Variants in CDH4 observed in about 807,000 individuals in gnomAD.
CDH4 encodes cadherin-4.
Under a neutral mutation model 86.0 loss-of-function variants are expected in CDH4, and 33 were observed. The ratio of observed to expected loss-of-function variants is 0.38; its 90% CI spans 0.29 to 0.51. The LOEUF (loss-of-function observed/expected upper bound fraction) is 0.51. Ranked by LOEUF, CDH4 falls within the 20% of genes least tolerant of loss-of-function variation. CDH4 has a pLI of 0.86. For synonymous variants in CDH4, 555 were observed against 549.4 expected, an observed-to-expected ratio of 1.01 and a Z score of -0.14; for missense variants, 1,114 against 1,307.4, an observed-to-expected ratio of 0.85 and a Z score of 2.28.
intron 9 of CDH4, among the ~76,000 whole-genome samples, chr20:61,921,037 C>T (rs1004761070): frequency 1.5e-5 from 2 of 131,510 alleles, no homozygotes; most frequent in South Asian, 5.1e-4. Flanking sequence ...TGCATGGAAG[C>T]GTGTCATGGT....
intron 3 of CDH4, among the ~76,000 whole-genome samples, chr20:61,765,573 A>AGAG (rs149908568): frequency 1.4e-4 from 22 of 152,132 alleles, no homozygotes; most frequent in East Asian, 3.9e-4. Flanking sequence ...AGAGCAGGGA[A>AGAG]GAGGAGGAGG....
At chr20:61,751,208 C>G (rs1434113299) in intron 3 of CDH4, among the ~76,000 whole-genome samples, 1 of 152,172 alleles carries the variant, frequency 6.6e-6, no homozygotes, top group African/African-American at 2.4e-5. Context: ...GTTGTTGGGG[C>G]TGTCCTGTGT....
chr20:61,342,654 C>T (rs1387041869), intron 2 of CDH4, among the ~76,000 whole-genome samples: 2 of 152,220 alleles, frequency 1.3e-5, no homozygotes, highest in East Asian at 3.9e-4. Context: ...AGGACCAGTC[C>T]AGTCCCGGGG....
At chr20:61,827,252 C>T (rs1232029982) in intron 4 of CDH4, among the ~76,000 whole-genome samples, 1 of 152,172 alleles carries the variant, frequency 6.6e-6, no homozygotes, top group Non-Finnish European at 1.5e-5. Flanking sequence ...GACATTGCTA[C>T]ACCGGTGGGA....
rs1462084137 is a variant in CDH4 at position 61,260,756 on chromosome 20, G to T, written c.169+5819G>T. 2.0e-5 allele frequency among the ~76,000 whole-genome samples: 3 copies of T among 152,208 alleles called. No homozygotes were observed. In the East Asian group the frequency reaches 5.8e-4, roughly 29 times the overall value. On this transcript the variant is annotated intron_variant, in intron 2 of 15. Transcript: ENST00000614565. The stretch of plus-strand genomic sequence containing the variant: ...ATCTCTTTGGCCATCTCTGGGGGTG[G>T]TCCTTGCCTTTTCAAGGGGCCGTTA...
chr20:61,387,011 G>C (rs557189046), intron 2 of CDH4, among the ~76,000 whole-genome samples: 128 of 152,376 alleles, frequency 8.4e-4, no homozygotes, highest in African/African-American at 2.9e-3. Context: ...ACGTCTCTGA[G>C]ATGAGTTTAC....
intron 2 of CDH4, among the ~76,000 whole-genome samples, chr20:61,500,076 T>G (rs115950540): frequency 6.6e-6 from 1 of 152,194 alleles, no homozygotes; most frequent in Non-Finnish European, 1.5e-5. Context: ...GTCACTTCCC[T>G]GTCGGAATCA....
rs762568898 is a variant in CDH4 at position 61,844,839 on chromosome 20, C to G, written c.732+16C>G. On this transcript the variant is annotated intron_variant, in intron 5 of 15. Coordinates refer to ENST00000614565, the MANE Select transcript of CDH4 (RefSeq NM_001794.5). ...CTCTTACCACGTGAGTGTCCACACC[C>G]GGCTGAGAATGGGGCCCTGGGGTGG... is the stretch of plus-strand genomic sequence containing the variant. 5.6e-6 allele frequency: 9 copies of G among 1,602,048 alleles called. No homozygotes were observed. The highest frequency in any genetic ancestry group is 1.7e-4 in the Middle Eastern group (1 of 6,050).
At chr20:61,585,999 G>GTA in intron 2 of CDH4, among the ~76,000 whole-genome samples, 1 of 109,186 alleles carries the variant, frequency 9.2e-6, no homozygotes, top group Non-Finnish European at 2.0e-5. Context: ...TGATGATGAT[G>GTA]ATGGTGATGG....
At chr20:61,601,974 G>A (rs1302833803) in intron 2 of CDH4, among the ~76,000 whole-genome samples, 2 of 152,200 alleles carry the variant, frequency 1.3e-5, no homozygotes, top group East Asian at 1.9e-4. Context: ...CTGCCCTGAC[G>A]CATGCCCACA....
At chr20:61,877,360 AC>A (rs1331283648) in intron 7 of CDH4, among the ~76,000 whole-genome samples, 2 of 56,104 alleles carry the variant, frequency 3.6e-5, no homozygotes, top group Non-Finnish European at 7.1e-5. Context: ...AGCGGTACCC[AC>A]CCCCCACCCC....
chr20:61,457,959 T>A (rs2085418343), intron 2 of CDH4, among the ~76,000 whole-genome samples: 1 of 136,508 alleles, frequency 7.3e-6, no homozygotes, highest in Non-Finnish European at 1.6e-5. Flanking sequence ...GTGGTGATGG[T>A]ATAGTCATGG....
At chr20:61,887,495 A>C (rs1412154990) in intron 7 of CDH4, among the ~76,000 whole-genome samples, 2 of 152,098 alleles carry the variant, frequency 1.3e-5, no homozygotes, top group East Asian at 3.8e-4. Context: ...AGGCATGCAC[A>C]CTCGTGCACA....
chr20:61,784,057 C>T (rs1428817801), intron 4 of CDH4, among the ~76,000 whole-genome samples: 1 of 31,898 alleles, frequency 3.1e-5, no homozygotes, highest in Non-Finnish European at 5.4e-5. Flanking sequence ...GTCTTGTGCC[C>T]CCAAGAGAAA....
intron 2 of CDH4, among the ~76,000 whole-genome samples, chr20:61,318,288 C>T (rs953977654): frequency 6.6e-6 from 1 of 152,220 alleles, no homozygotes; most frequent in Non-Finnish European, 1.5e-5. Flanking sequence ...CCCGGCTTTG[C>T]AGAAGACACC....
intron 4 of CDH4, among the ~76,000 whole-genome samples, chr20:61,830,300 G>A (rs954505774): frequency 1.3e-5 from 2 of 152,132 alleles, no homozygotes; most frequent in African/African-American, 2.4e-5. Context: ...CGTCCTGCGT[G>A]GAACATACTC....
At chr20:61,747,781 G>A (rs2088435504) in intron 3 of CDH4, among the ~76,000 whole-genome samples, 1 of 152,178 alleles carries the variant, frequency 6.6e-6, no homozygotes. Context: ...TAGAGAGGCA[G>A]TAAGAAGGTC....
chr20:61,643,772 A>G (rs963491974), intron 2 of CDH4, among the ~76,000 whole-genome samples: 4 of 152,226 alleles, frequency 2.6e-5, no homozygotes, highest in African/African-American at 7.2e-5. Flanking sequence ...TTTCTGTTCC[A>G]TGTTCTTTAA....
chr20:61,546,665 A>G (rs567447546), intron 2 of CDH4, among the ~76,000 whole-genome samples: 1 of 152,098 alleles, frequency 6.6e-6, no homozygotes, highest in South Asian at 2.1e-4. Context: ...TGTGGTTTAC[A>G]TGCTGCCTGG....
Sources: gnomAD v4.1 joint callset for allele counts (sites outside exome capture counted in the v4.1 genomes callset) on GRCh38, gnomAD v4.1.1 for gene constraint, MANE v1.5 for transcripts, NCBI Gene and HGNC (gene_info 2026-07-23, HGNC 2026-07-21) for gene names.